Variants in BRAF observed in about 807,000 individuals in gnomAD.
The protein encoded by BRAF is B-Raf proto-oncogene, serine/threonine kinase.
A neutral mutation model predicts 104.6 loss-of-function variants in BRAF; 16 were observed. The observed-to-expected ratio is 0.15, with a 90% CI of 0.10 to 0.23. The LOEUF is 0.23. Ranked by LOEUF, BRAF falls within the 10% of genes least tolerant of loss-of-function variation. BRAF has a pLI of 1.00. For synonymous variants in BRAF, 310 were observed against 341.6 expected, an observed-to-expected ratio of 0.91 and a Z score of 1.02; for missense variants, 541 against 937.3, an observed-to-expected ratio of 0.58 and a Z score of 5.52.
At chr7:140,845,826 C>A (rs942393966) in intron 2 of BRAF, among the ~76,000 whole-genome samples, 1 of 152,006 alleles carries the variant, frequency 6.6e-6, no homozygotes, top group Non-Finnish European at 1.5e-5. Context: ...TACAGGTGCG[C>A]ACCACTACAC....
chr7:140,884,654 A>AT (rs1435601322), intron 1 of BRAF, among the ~76,000 whole-genome samples: 2 of 151,662 alleles, frequency 1.3e-5, no homozygotes, highest in African/African-American at 4.8e-5. Flanking sequence ...TAATTTTTAA[A>AT]TTTTTTTGTA....
intron 19 of BRAF, chr7:140,734,371 AT>A (rs1796206992): frequency 1.5e-6 from 2 of 1,377,858 alleles, no homozygotes; most frequent in African/African-American, 2.9e-5. Context: ...GGCTCTGCCA[AT>A]TTTTAGCAAT....
Position 140,739,959 on chromosome 7 carries a change from A to G in BRAF, c.2113-13T>C, listed in dbSNP as rs775808846. The G allele has an allele frequency of 1.9e-5, 31 of 1,612,174 alleles. No homozygotes were observed. The highest frequency in any genetic ancestry group is 2.2e-5 in the Non-Finnish European group (26 of 1,179,234). ...CCATAAAAATTATCTGGAGAGAGAA[A>G]AAAAAGGGAAATAATTCAACCTTGT... On this transcript the variant is annotated splice_polypyrimidine_tract_variant and intron_variant, in intron 17 of 19. Transcript: ENST00000644969.
intron 5 of BRAF, among the ~76,000 whole-genome samples, chr7:140,803,335 G>A (rs898543492): frequency 2.0e-5 from 3 of 152,068 alleles, no homozygotes; most frequent in Admixed American, 1.3e-4. Context: ...GGGTGGGAGG[G>A]AGAGAGACTA....
chr7:140,720,519 T>G lies in BRAF; in HGVS notation c.*5975A>C. The G allele has an allele frequency of 2.8e-6, 3 of 1,064,814 alleles. No individual in the cohort carries two copies. The highest frequency in any genetic ancestry group is 3.4e-6 in the Non-Finnish European group (3 of 879,052). The allele number at this position is 1,064,814 out of a possible 1,614,324, so 66.0% of individuals were successfully genotyped here. Reference sequence around the variant, plus strand: ...TAATCAGCTATGGAACATACACAAATGTATTAGGAAGGAATGATTCTTAAA... The same window carrying G: ...TAATCAGCTATGGAACATACACAAAGGTATTAGGAAGGAATGATTCTTAAA... On this transcript the variant is annotated 3_prime_UTR_variant, in exon 20 of 20. Transcript: ENST00000644969.
In BRAF at chr7:140,832,782, TTTTA is replaced by T. The variant is rs201146458; in HGVS notation, c.504+1823_504+1826del. Among the ~76,000 whole-genome samples the T allele has an allele frequency of 6.3e-4, 96 of 152,252 alleles. No homozygotes were observed. In the East Asian group the frequency reaches 0.017, roughly 28 times the overall value. ...TACATCTTTGAAGAGTCTCAGTTGT[TTTTA>T]TTTCTTTTTAAAAGGGAAATTATAA... On this transcript the variant is annotated intron_variant, in intron 3 of 19. Coordinates refer to ENST00000644969, the MANE Select transcript of BRAF (RefSeq NM_001374258.1).
Position 140,721,535 on chromosome 7 carries a change from A to G in BRAF, c.*4959T>C, listed in dbSNP as rs1184530660. 2.1e-6 allele frequency: 3 copies of G among 1,438,342 alleles called. No individual in the cohort carries two copies. In the Admixed American group the frequency reaches 8.1e-5, roughly 39 times the overall value. 89.1% of individuals were successfully genotyped at this position (1,438,342 alleles called of 1,614,324 possible). A position where few individuals can be genotyped will look rare whatever the true frequency, so the allele number is the denominator to read the frequency against. On this transcript the variant is annotated 3_prime_UTR_variant, in exon 20 of 20. Transcript: ENST00000644969. ...CTAATAAAACAAACATCTTACCAGTATTTTTAATTTTACCAGAGCTAGCAA... is the reference window on the plus strand; with the variant it reads ...CTAATAAAACAAACATCTTACCAGTGTTTTTAATTTTACCAGAGCTAGCAA...
At chr7:140,853,721 T>A (rs1246979263) in intron 1 of BRAF, among the ~76,000 whole-genome samples, 1 of 152,180 alleles carries the variant, frequency 6.6e-6, no homozygotes. Flanking sequence ...AAAGGCTCTA[T>A]CCCTCCCATT....
chr7:140,850,249 C>T (rs746791470), intron 1 of BRAF, 37 bp from the exon 2 acceptor site: 1 of 1,448,292 alleles, frequency 6.9e-7, no homozygotes, highest in South Asian at 1.2e-5. Context: ...ATAAAAATCA[C>T]TTAGTATATG....
At chr7:140,790,396 T>TC (rs1458141548) in intron 8 of BRAF, among the ~76,000 whole-genome samples, 9 of 152,300 alleles carry the variant, frequency 5.9e-5, no homozygotes, top group African/African-American at 2.2e-4. Flanking sequence ...TCAACTTTTT[T>TC]CCCACTCTTT....
At chr7:140,891,170 G>A (rs975559940) in intron 1 of BRAF, among the ~76,000 whole-genome samples, 2 of 152,120 alleles carry the variant, frequency 1.3e-5, no homozygotes, top group Non-Finnish European at 2.9e-5. Context: ...GAGAGGGTGT[G>A]GGGTAGAGGG....
intron 14 of BRAF, among the ~76,000 whole-genome samples, chr7:140,760,714 G>C (rs1306772692): frequency 6.6e-6 from 1 of 152,106 alleles, no homozygotes; most frequent in African/African-American, 2.4e-5. Context: ...GGGGCTGAAA[G>C]CCAAGGCTCG....
intron 5 of BRAF, among the ~76,000 whole-genome samples, chr7:140,802,541 G>A (rs1017189878): frequency 2.6e-5 from 4 of 151,868 alleles, no homozygotes; most frequent in South Asian, 2.1e-4. Context: ...CAGGTGATGC[G>A]TCTGCCTAGG....
intron 2 of BRAF, among the ~76,000 whole-genome samples, chr7:140,839,577 A>G (rs1277350773): frequency 6.6e-6 from 1 of 152,030 alleles, no homozygotes; most frequent in Non-Finnish European, 1.5e-5. Context: ...AAAAAATATG[A>G]AACTTGGCTG....
At chr7:140,746,568 C>T (rs535427203) in intron 17 of BRAF, among the ~76,000 whole-genome samples, 19 of 152,102 alleles carry the variant, frequency 1.2e-4, no homozygotes, top group Non-Finnish European at 1.8e-4. Context: ...CAGTGGTTCA[C>T]GCCTGTAATC....
chr7:140,714,834 G>A (rs1408770155), downstream of BRAF, among the ~76,000 whole-genome samples: 2 of 152,144 alleles, frequency 1.3e-5, no homozygotes, highest in South Asian at 2.1e-4. Flanking sequence ...AGAGATGGGC[G>A]AGAAAAGCAA....
Position 140,723,981 on chromosome 7 carries a change from G to A in BRAF, c.*2513C>T. ...AGAAAAAACCTATTTCATAGAAAAA[G>A]GAAGAAAAGAGAGGTTTAAATATTT... is the stretch of plus-strand genomic sequence containing the variant. On this transcript the variant is annotated 3_prime_UTR_variant, in exon 20 of 20. Transcript: ENST00000644969. 2.9e-6 allele frequency: 3 copies of A among 1,041,302 alleles called. No individual in the cohort carries two copies. Among genetic ancestry groups the A allele is most frequent in the Non-Finnish European group, 2.3e-6 (2 of 863,984 alleles). The allele number at this position is 1,041,302 out of a possible 1,614,324, so 64.5% of individuals were successfully genotyped here. A position where few individuals can be genotyped will look rare whatever the true frequency, so the allele number is the denominator to read the frequency against.
intron 1 of BRAF, among the ~76,000 whole-genome samples, chr7:140,879,326 C>T (rs1321786597): frequency 1.3e-5 from 2 of 151,408 alleles, no homozygotes; most frequent in East Asian, 3.9e-4. Flanking sequence ...AGACTACAGG[C>T]GTGCACCACC....
chr7:140,810,942 T>C (rs1804193847), intron 3 of BRAF, among the ~76,000 whole-genome samples: 1 of 152,204 alleles, frequency 6.6e-6, no homozygotes, highest in Non-Finnish European at 1.5e-5. Flanking sequence ...GTGCTTCTTG[T>C]TGATGATTCT....
Sources: gnomAD v4.1 joint callset for allele counts (sites outside exome capture counted in the v4.1 genomes callset) on GRCh38, gnomAD v4.1.1 for gene constraint, MANE v1.5 for transcripts, NCBI Gene and HGNC (gene_info 2026-07-23, HGNC 2026-07-21) for gene names.